Variants in SLC30A8 observed in about 807,000 individuals in gnomAD.
The protein encoded by SLC30A8 is solute carrier family 30 member 8.
A neutral mutation model predicts 36.9 loss-of-function variants in SLC30A8; 27 were observed. The observed-to-expected ratio is 0.73, with a 90% CI of 0.54 to 1.01. The LOEUF is 1.01. Among genes scored for constraint, SLC30A8 ranks in the 50% least tolerant of loss-of-function variants. SLC30A8 has a pLI of 0.00. For synonymous variants in SLC30A8, 164 were observed against 172.4 expected (o/e 0.95, Z 0.38); for missense variants, 439 against 452.0 (o/e 0.97, Z 0.26).
intron 1 of SLC30A8, among the ~76,000 whole-genome samples, chr8:116,952,259 A>G (rs1814018936): frequency 1.3e-5 from 2 of 152,232 alleles, no homozygotes; most frequent in Admixed American, 6.5e-5. Context: ...CTCACAAGCC[A>G]TGCTTTGGGG....
At chr8:117,113,052 C>T (rs189841901) in intron 2 of SLC30A8, among the ~76,000 whole-genome samples, 1 of 152,232 alleles carries the variant, frequency 6.6e-6, no homozygotes, top group East Asian at 1.9e-4. Flanking sequence ...AAGATGGTAG[C>T]CATAGTCACT....
chr8:117,150,444 T>A (rs1822125363), intron 2 of SLC30A8, among the ~76,000 whole-genome samples: 1 of 152,166 alleles, frequency 6.6e-6, no homozygotes, highest in African/African-American at 2.4e-5. Context: ...TCCACAGGCC[T>A]TAAGTCAAGT....
intron 2 of SLC30A8, chr8:117,056,292 A>G (rs141589230): frequency 6.6e-6 from 1 of 152,324 alleles, no homozygotes; most frequent in East Asian, 1.9e-4. Flanking sequence ...GTCCAACATG[A>G]TGTAATCAGT....
intron 2 of SLC30A8, among the ~76,000 whole-genome samples, chr8:117,111,475 G>A (rs1820223856): frequency 6.6e-6 from 1 of 152,152 alleles, no homozygotes; most frequent in Non-Finnish European, 1.5e-5. Context: ...CCAAATTATT[G>A]GTTGCTGTGC....
chr8:117,080,531 T>G (rs906140777), intron 2 of SLC30A8, among the ~76,000 whole-genome samples: 2 of 152,148 alleles, frequency 1.3e-5, no homozygotes, highest in Non-Finnish European at 2.9e-5. Flanking sequence ...GTTCCCATCT[T>G]TATGTCCATG....
intron 1 of SLC30A8, among the ~76,000 whole-genome samples, chr8:117,037,406 G>A (rs1817248442): frequency 6.6e-6 from 1 of 152,288 alleles, no homozygotes; most frequent in Admixed American, 6.5e-5. Context: ...ACCTTTTGGT[G>A]ATCCTGCAAA....
chr8:117,087,185 C>A (rs1193726653), intron 2 of SLC30A8, among the ~76,000 whole-genome samples: 1 of 152,070 alleles, frequency 6.6e-6, no homozygotes, highest in Non-Finnish European at 1.5e-5. Flanking sequence ...TGTCTGGGAT[C>A]TAAGAAGCTG....
intron 2 of SLC30A8, among the ~76,000 whole-genome samples, chr8:117,054,504 A>T (rs910717821): frequency 6.6e-6 from 1 of 152,138 alleles, no homozygotes; most frequent in Non-Finnish European, 1.5e-5. Context: ...TCTTAATGGT[A>T]TCCAGTTTGT....
chr8:117,091,527 G>A lies in SLC30A8; in HGVS notation c.-225-43753G>A, dbSNP rs114476232. On this transcript the variant is annotated intron_variant, in intron 2 of 10. Coordinates refer to the SLC30A8 transcript ENST00000427715. ...TTGGGATTGTCATGGCAAGCGTATG[G>A]TAAAACTAAATAATATTTGTTGAAT... 2.2e-3 allele frequency among the ~76,000 whole-genome samples: 335 copies of A among 152,180 alleles called. 1 individual carries two copies. Among genetic ancestry groups the A allele is most frequent in the African/African-American group, 7.8e-3 (322 of 41,534 alleles).
chr8:117,126,237 C>T (rs1034829604), intron 2 of SLC30A8, among the ~76,000 whole-genome samples: 19 of 151,660 alleles, frequency 1.3e-4, no homozygotes, highest in African/African-American at 4.6e-4. Flanking sequence ...GCAGAATTGC[C>T]TACATGATAA....
At chr8:117,110,860 C>A (rs1031775944) in intron 2 of SLC30A8, among the ~76,000 whole-genome samples, 3 of 152,140 alleles carry the variant, frequency 2.0e-5, no homozygotes, top group Admixed American at 6.5e-5. Context: ...AGGAAGCCAT[C>A]CTCTTTCTTG....
intron 2 of SLC30A8, among the ~76,000 whole-genome samples, chr8:117,098,296 A>G (rs1367898505): frequency 1.3e-5 from 2 of 151,814 alleles, no homozygotes; most frequent in East Asian, 1.9e-4. Context: ...TCATACATAT[A>G]AGGCCAAAGA....
chr8:117,030,350 A>G (rs927718122), intron 1 of SLC30A8, among the ~76,000 whole-genome samples: 1 of 151,960 alleles, frequency 6.6e-6, no homozygotes, highest in Non-Finnish European at 1.5e-5. Flanking sequence ...TCTCTTAACT[A>G]ATTTTTAGTT....
In SLC30A8 at chr8:117,157,697, T is replaced by C. The variant is rs747531216; in HGVS notation, c.425T>C (p.Leu142Pro). The change falls in exon 4 of 8, where the codon CTT becomes CCT. Residue 142 changes from leucine (L) to proline (P), a missense_variant. Leu to Pro is a moderately conservative substitution (Grantham distance 98). Coordinates refer to ENST00000456015, the MANE Select transcript of SLC30A8 (RefSeq NM_173851.3). ...TGTGTGTTTGAATTCCTAGAGATCC[T>C]TGGTGCCCTGCTCTCCATCCTGTGC... ...LTFGWHRAEI[L>P]GALLSILCIW... 5 of 1,613,908 alleles carry C rather than the reference T, an allele frequency of 3.1e-6. No individual in the cohort carries two copies. In the African/African-American group the frequency reaches 4.0e-5, roughly 13 times the overall value.
chr8:117,088,600 C>G (rs1277633256), intron 2 of SLC30A8, among the ~76,000 whole-genome samples: 1 of 152,160 alleles, frequency 6.6e-6, no homozygotes, highest in Non-Finnish European at 1.5e-5. Flanking sequence ...GGGTGAGAAG[C>G]CTATAAACTT....
chr8:117,023,349 G>T (rs982684300), intron 1 of SLC30A8, among the ~76,000 whole-genome samples: 378 of 152,234 alleles, frequency 2.5e-3, no homozygotes, highest in African/African-American at 8.7e-3. Flanking sequence ...AATACCATTT[G>T]ACCCAGCCAT....
intron 1 of SLC30A8, among the ~76,000 whole-genome samples, chr8:117,018,667 C>T (rs1281490913): frequency 8.3e-6 from 1 of 120,460 alleles, no homozygotes; most frequent in Admixed American, 8.1e-5. Context: ...TGACTAGCCC[C>T]CCCCCCCCTT....
At chr8:117,003,481 C>T (rs1196728350) in intron 1 of SLC30A8, among the ~76,000 whole-genome samples, 4 of 152,134 alleles carry the variant, frequency 2.6e-5, no homozygotes, top group African/African-American at 9.7e-5. Flanking sequence ...ATATTGATAC[C>T]TATCATGATT....
chr8:117,164,977 T>G (rs1342479289), intron 6 of SLC30A8, among the ~76,000 whole-genome samples: 1 of 152,204 alleles, frequency 6.6e-6, no homozygotes, highest in Non-Finnish European at 1.5e-5. Flanking sequence ...TCCCCCATTC[T>G]GCAGTTTGGT....
Sources: allele counts gnomAD v4.1 joint callset (sites outside exome capture counted in the v4.1 genomes callset), GRCh38; gene constraint gnomAD v4.1.1; transcripts MANE v1.5; gene names NCBI Gene and HGNC (gene_info 2026-07-23, HGNC 2026-07-21).